Variants in DLEC1 observed in about 807,000 individuals in gnomAD.
DLEC1 encodes the protein DLEC1 cilia and flagella associated protein, also known as deleted in lung and esophageal cancer protein 1.
In DLEC1, 146 loss-of-function variants were observed where a neutral mutation model predicts 198.1. The ratio of observed to expected loss-of-function variants is 0.74; its 90% CI spans 0.64 to 0.85. The LOEUF (loss-of-function observed/expected upper bound fraction) is 0.85. DLEC1 is among the 40% of genes least tolerant of loss of function. DLEC1 has a pLI of 0.00. For synonymous variants in DLEC1, 897 were observed against 866.8 expected (o/e 1.03, Z -0.61); for missense variants, 2,233 against 2,220.0 (o/e 1.01, Z -0.12).
chr3:38,040,517 G>C (rs1158425907), intron 1 of DLEC1, among the ~76,000 whole-genome samples: 1 of 152,094 alleles, frequency 6.6e-6, no homozygotes, highest in African/African-American at 2.4e-5. Context: ...GACCAGTCTC[G>C]CCGCCTCCAC....
chr3:38,114,526 G>T (rs1410381610), intron 26 of DLEC1, 66 bp downstream of exon 26: 2 of 1,526,052 alleles, frequency 1.3e-6, no homozygotes, highest in Non-Finnish European at 9.1e-7. Flanking sequence ...CCTCCGGGCT[G>T]GGCTGCCCAC....
chr3:38,077,244 G>A (rs1439776136), intron 6 of DLEC1, among the ~76,000 whole-genome samples: 3 of 152,190 alleles, frequency 2.0e-5, no homozygotes, highest in East Asian at 1.9e-4. Context: ...CAAGAGCAGG[G>A]CATGTATGAG....
intron 6 of DLEC1, among the ~76,000 whole-genome samples, chr3:38,077,085 T>C (rs1697666714): frequency 6.6e-6 from 1 of 152,176 alleles, no homozygotes; most frequent in South Asian, 2.1e-4. Flanking sequence ...CTAGGACATC[T>C]GATTAGAGAG....
intron 2 of DLEC1, among the ~76,000 whole-genome samples, chr3:38,046,897 T>C (rs1293128622): frequency 1.3e-5 from 2 of 152,250 alleles, no homozygotes; most frequent in Non-Finnish European, 2.9e-5. Flanking sequence ...GTCTTTCATC[T>C]TCCTGACAGT....
chr3:38,061,825 A>G (rs1238695100), intron 3 of DLEC1, among the ~76,000 whole-genome samples: 1 of 152,066 alleles, frequency 6.6e-6, no homozygotes, highest in African/African-American at 2.4e-5. Flanking sequence ...GCACTACCAC[A>G]CCCAGCAAAT....
At chr3:38,079,916 G>T (rs1471608049) in intron 6 of DLEC1, among the ~76,000 whole-genome samples, 1 of 152,160 alleles carries the variant, frequency 6.6e-6, no homozygotes, top group African/African-American at 2.4e-5. Context: ...CCTGTTGTGG[G>T]GTTTGAGGGC....
intron 7 of DLEC1, among the ~76,000 whole-genome samples, chr3:38,084,476 G>A (rs62240743): frequency 2.6e-5 from 3 of 116,532 alleles, no homozygotes; most frequent in African/African-American, 6.6e-5. Flanking sequence ...TAGTGGTGGT[G>A]GTGGTAGTAG....
At chr3:38,052,307 G>A (rs949793545) in intron 2 of DLEC1, 13 of 412,100 alleles carry the variant, frequency 3.2e-5, no homozygotes, top group East Asian at 2.3e-4. Flanking sequence ...GGACCACACC[G>A]GGACCACGAG....
intron 1 of DLEC1, among the ~76,000 whole-genome samples, chr3:38,040,800 CA>C (rs1411882962): frequency 6.6e-6 from 1 of 152,102 alleles, no homozygotes. Flanking sequence ...TCTGAATTGG[CA>C]AATAGTGATC....
chr3:38,090,910 A>G (rs1341937132), intron 10 of DLEC1, among the ~76,000 whole-genome samples: 1 of 152,124 alleles, frequency 6.6e-6, no homozygotes, highest in Non-Finnish European at 1.5e-5. Context: ...ATCTTATTAC[A>G]TCTATACCCC....
At position 38,075,200 on chromosome 3, in the gene DLEC1, G is replaced by T. The variant is rs570978275; in HGVS notation, c.1174-8958G>T. Among the ~76,000 whole-genome samples the T allele has an allele frequency of 4.6e-5, 7 of 152,236 alleles. No individual in the cohort carries two copies. The South Asian group carries it at 1.2e-3, about 27-fold the overall frequency. ...AGGGGGCAGGCGGGAAGGAAAGAAG[G>T]AGGATTTGGGAGGAATCGCATTGGG... On this transcript the variant is annotated intron_variant, in intron 6 of 36. Coordinates refer to ENST00000308059, the MANE Select transcript of DLEC1 (RefSeq NM_007335.4).
Position 38,118,095 on chromosome 3 carries a change from C to T in DLEC1, c.4704+71C>T, listed in dbSNP as rs116725901. On this transcript the variant is annotated intron_variant, in intron 33 of 36. Coordinates refer to ENST00000308059, the MANE Select transcript of DLEC1 (RefSeq NM_007335.4). ...CATGTGTACAGACAGCACCCCTGCACGCCACCCTCAGGTGCTTGTACCCAG... is the reference window on the plus strand; with the variant it reads ...CATGTGTACAGACAGCACCCCTGCATGCCACCCTCAGGTGCTTGTACCCAG... 3.4e-3 allele frequency: 5,036 copies of T among 1,500,928 alleles called. 159 individuals are homozygous for T. The African/African-American group carries it at 0.061, about 18-fold the overall frequency. The allele number at this position is 1,500,928 out of a possible 1,614,324, so 93.0% of individuals were successfully genotyped here.
At position 38,039,240 on chromosome 3, in the gene DLEC1, C is replaced by T; in HGVS notation, c.15C>T (p.Ser5=). Reference sequence around the variant, plus strand: ...TCTCGGTTGCCATGGAGACCAGGAGCTCCAAAACGCGGAGGTCTTTAGCGT... The same window carrying T: ...TCTCGGTTGCCATGGAGACCAGGAGTTCCAAAACGCGGAGGTCTTTAGCGT... METR[S]SKTRRSLASR... is the part of the protein sequence containing the mutation. The change falls in exon 1 of 37, where the codon AGC becomes AGT. Residue 5 remains serine, a synonymous_variant. Coordinates refer to ENST00000308059, the MANE Select transcript of DLEC1 (RefSeq NM_007335.4). 6.2e-7 allele frequency: 1 copy of T among 1,605,786 alleles called. No homozygotes were observed.
At chr3:38,042,581 A>C (rs1189443312) in intron 1 of DLEC1, among the ~76,000 whole-genome samples, 1 of 130,406 alleles carries the variant, frequency 7.7e-6, no homozygotes, top group Non-Finnish European at 1.6e-5. Flanking sequence ...TTTGAGACAG[A>C]GTCTTGCACT....
rs746671970 is a variant in DLEC1 at position 38,045,625 on chromosome 3, C to A, written c.494C>A (p.Ala165Glu). 6.2e-7 allele frequency: 1 copy of A among 1,614,038 alleles called. No individual in the cohort carries two copies. The highest frequency in any genetic ancestry group is 8.5e-7 in the Non-Finnish European group (1 of 1,179,984). ...ACTCAGGCCCAAGCACGGGCTATTG[C>A]GGAAAATGAGCGGGTCATGAGCCAG... Reference protein sequence around the residue: ...HITQAQARAIAENERVMSQAG... With the variant: ...HITQAQARAIEENERVMSQAG... The change falls in exon 2 of 37, where the codon GCG (alanine) becomes GAG (glutamate). Residue 165 changes from alanine to glutamate, a missense_variant. Ala to Glu is a moderately radical substitution (Grantham distance 107). Transcript: ENST00000308059.
chr3:38,102,789 C>T (rs1483037154), intron 19 of DLEC1, among the ~76,000 whole-genome samples: 3 of 152,160 alleles, frequency 2.0e-5, no homozygotes. Context: ...TACTGGGCAG[C>T]TACACAAATC....
rs778846679 is a variant in DLEC1, at chr3:38,115,040, C to T, written c.3843C>T (p.Asn1281=). The change falls in exon 27 of 37, where the codon AAC becomes AAT. Residue 1281 remains asparagine (N), a synonymous_variant. Transcript: ENST00000308059. The stretch of plus-strand genomic sequence containing the variant: ...TTACCCGAACCCTTCGCCTGAATAA[C>T]TCCAGCCCCTGTGGTAAGACATGCA... ...DTVTRTLRLN[N]SSPCDIRLDW... is the part of the protein sequence containing the mutation. The T allele has an allele frequency of 2.5e-6, 4 of 1,613,852 alleles. No homozygotes were observed. Among genetic ancestry groups the T allele is most frequent in the African/African-American group, 2.7e-5 (2 of 74,930 alleles).
intron 33 of DLEC1, among the ~76,000 whole-genome samples, chr3:38,118,873 A>G (rs1700317285): frequency 6.6e-6 from 1 of 151,460 alleles, no homozygotes; most frequent in Admixed American, 6.6e-5. Context: ...TGTATACTCC[A>G]CTGTGTAGCG....
At chr3:38,083,145 A>G (rs1210425486) in intron 6 of DLEC1, among the ~76,000 whole-genome samples, 2 of 151,794 alleles carry the variant, frequency 1.3e-5, no homozygotes, top group African/African-American at 2.4e-5. Context: ...TCTTGGGCTC[A>G]TCGGTCTGAG....
Sources: gnomAD v4.1 joint callset for allele counts (sites outside exome capture counted in the v4.1 genomes callset) on GRCh38, gnomAD v4.1.1 for gene constraint, MANE v1.5 for transcripts, NCBI Gene and HGNC (gene_info 2026-07-23, HGNC 2026-07-21) for gene names.